WDFY2: variants seen among roughly 807,000 people sequenced by gnomAD.
WDFY2 encodes the protein WD repeat and FYVE domain-containing protein 2.
A neutral mutation model predicts 56.4 loss-of-function variants in WDFY2; 36 were observed. The ratio of observed to expected loss-of-function variants is 0.64; its 90% confidence interval spans 0.49 to 0.84. The LOEUF (loss-of-function observed/expected upper bound fraction) is 0.84, where lower values mean the gene tolerates loss of function less well. Among genes scored for constraint, WDFY2 ranks in the 40% least tolerant of loss-of-function variants. The pLI is 0.00. For missense variants in WDFY2, 444 were observed against 512.2 expected, an observed-to-expected ratio of 0.87 and a Z score of 1.29; for synonymous variants, 176 against 183.7, an observed-to-expected ratio of 0.96 and a Z score of 0.34.
At chr13:51,681,914 G>A (rs901067512) in intron 3 of WDFY2, among the ~76,000 whole-genome samples, 6 of 152,258 alleles carry the variant, frequency 3.9e-5, no homozygotes, top group East Asian at 1.9e-4. Context: ...GTCATTGCGC[G>A]TGTAGCCCTG....
At chr13:51,745,432 G>T (rs963573320) in intron 7 of WDFY2, among the ~76,000 whole-genome samples, 1 of 152,132 alleles carries the variant, frequency 6.6e-6, no homozygotes, top group Non-Finnish European at 1.5e-5. Context: ...GTTAGCAGAC[G>T]CACAGCTGGC....
At chr13:51,693,767 A>C (rs1252610184) in intron 3 of WDFY2, among the ~76,000 whole-genome samples, 1 of 152,082 alleles carries the variant, frequency 6.6e-6, no homozygotes, top group Non-Finnish European at 1.5e-5. Flanking sequence ...TGATCTGTCT[A>C]ATGTTGACAG....
intron 4 of WDFY2, among the ~76,000 whole-genome samples, chr13:51,709,806 CA>C (rs929524595): frequency 3.9e-4 from 59 of 152,008 alleles, no homozygotes; most frequent in Non-Finnish European, 7.8e-4. Flanking sequence ...GGCTACCAAC[CA>C]AAAAAAGTCC....
intron 4 of WDFY2, among the ~76,000 whole-genome samples, chr13:51,718,710 T>C (rs549792015): frequency 2.6e-5 from 4 of 152,350 alleles, no homozygotes; most frequent in African/African-American, 9.6e-5. Flanking sequence ...CTAGAACTTT[T>C]GTATGGCTTT....
chr13:51,702,751 AT>A (rs1372277016), intron 3 of WDFY2, among the ~76,000 whole-genome samples: 1 of 152,182 alleles, frequency 6.6e-6, no homozygotes, highest in Non-Finnish European at 1.5e-5. Context: ...GAAAAGATTA[AT>A]TGCGTTGTTT....
chr13:51,639,820 T>C (rs1257431976), intron 1 of WDFY2, among the ~76,000 whole-genome samples: 1 of 152,234 alleles, frequency 6.6e-6, no homozygotes, highest in East Asian at 1.9e-4. Context: ...GGCATTTTCA[T>C]CTACTCTGCT....
rs1048127737 is a variant in WDFY2, at chr13:51,756,312, A to T, written c.934-20A>T. The T allele has an allele frequency of 9.9e-6, 16 of 1,608,536 alleles. No homozygotes were observed. The highest frequency in any genetic ancestry group is 1.4e-5 in the Non-Finnish European group (16 of 1,177,166). On this transcript the variant is annotated intron_variant, in intron 9 of 11. Coordinates refer to ENST00000298125, the MANE Select transcript of WDFY2 (RefSeq NM_052950.4). ...GCTGAGGGAGCCGTGATGAGTATCTATTTTATCTCCCTCCTCCAGCACCAC... is the reference window on the plus strand; with the variant it reads ...GCTGAGGGAGCCGTGATGAGTATCTTTTTTATCTCCCTCCTCCAGCACCAC...
chr13:51,695,742 A>C (rs1323092364), intron 3 of WDFY2, among the ~76,000 whole-genome samples: 1 of 152,238 alleles, frequency 6.6e-6, no homozygotes, highest in Non-Finnish European at 1.5e-5. Context: ...TTAAGTCTGC[A>C]GAGGTTACTG....
intron 1 of WDFY2, among the ~76,000 whole-genome samples, chr13:51,627,741 G>A (rs1954864563): frequency 6.6e-6 from 1 of 152,144 alleles, no homozygotes; most frequent in Non-Finnish European, 1.5e-5. Flanking sequence ...CAAGTGGAGG[G>A]TGAGCAAGGC....
intron 9 of WDFY2, 54 bp from the exon 10 acceptor site, chr13:51,756,278 G>C: frequency 6.4e-7 from 1 of 1,567,518 alleles, no homozygotes; most frequent in Admixed American, 1.8e-5. Context: ...AGATGCGGGG[G>C]CCTCAGGAGC....
At chr13:51,607,921 A>G (rs1183431067) in intron 1 of WDFY2, among the ~76,000 whole-genome samples, 3 of 152,164 alleles carry the variant, frequency 2.0e-5, no homozygotes, top group African/African-American at 4.8e-5. Flanking sequence ...TATAACCACA[A>G]AGGTCTTTGT....
chr13:51,625,386 G>A (rs779349302), intron 1 of WDFY2, among the ~76,000 whole-genome samples: 15 of 152,260 alleles, frequency 9.9e-5, no homozygotes, highest in Admixed American at 3.3e-4. Context: ...GCACTGTAAC[G>A]CTCCTGTTCA....
At position 51,762,134 on chromosome 13, in the gene WDFY2, C is replaced by T. The variant is rs1023441328; in HGVS notation, c.*2365C>T. 1.3e-5 allele frequency: 2 copies of T among 152,234 alleles called. No homozygotes were observed. Among genetic ancestry groups the T allele is most frequent in the African/African-American group, 2.4e-5 (1 of 41,460 alleles). 9.4% of individuals were successfully genotyped at this position (152,234 alleles called of 1,614,324 possible). On this transcript the variant is annotated 3_prime_UTR_variant, in exon 12 of 12. Transcript: ENST00000298125. ...AATGAGTAATAGAGCTGAATCACTC[C>T]ATTTTCCCTTCCTAAACTTTGAGCT...
intron 5 of WDFY2, among the ~76,000 whole-genome samples, chr13:51,726,925 T>C (rs573400582): frequency 2.6e-5 from 4 of 152,242 alleles, no homozygotes; most frequent in Non-Finnish European, 4.4e-5. Context: ...AGTTTATCTT[T>C]TGGCTTTGCT....
chr13:51,634,100 C>T (rs1285475033), intron 1 of WDFY2, among the ~76,000 whole-genome samples: 2 of 152,172 alleles, frequency 1.3e-5, no homozygotes, highest in African/African-American at 4.8e-5. Flanking sequence ...AGTTCATCAG[C>T]TCCAAAATGG....
chr13:51,699,920 A>T (rs1414278989), intron 3 of WDFY2, among the ~76,000 whole-genome samples: 3 of 152,238 alleles, frequency 2.0e-5, no homozygotes, highest in Non-Finnish European at 4.4e-5. Flanking sequence ...TGGAATGTCC[A>T]CTTAAAATGT....
chr13:51,612,147 T>C (rs1359265727), intron 1 of WDFY2, among the ~76,000 whole-genome samples: 1 of 152,122 alleles, frequency 6.6e-6, no homozygotes, highest in African/African-American at 2.4e-5. Flanking sequence ...GAGCTTTACA[T>C]GGAATGATCA....
At chr13:51,672,334 T>C (rs112727271) in intron 2 of WDFY2, among the ~76,000 whole-genome samples, 2,035 of 152,268 alleles carry the variant, frequency 0.013, 55 homozygotes, top group African/African-American at 0.047. Flanking sequence ...TTTTGTTTGC[T>C]TTGTCAAAGA....
intron 4 of WDFY2, among the ~76,000 whole-genome samples, chr13:51,709,083 A>G (rs1424582341): frequency 6.6e-6 from 1 of 152,204 alleles, no homozygotes; most frequent in Non-Finnish European, 1.5e-5. Context: ...AATTTATTGA[A>G]GATATTAATT....
Sources: gnomAD v4.1 joint callset for allele counts (sites outside exome capture counted in the v4.1 genomes callset) on GRCh38, gnomAD v4.1.1 for gene constraint, MANE v1.5 for transcripts, NCBI Gene and HGNC (gene_info 2026-07-23, HGNC 2026-07-21) for gene names.